Variants in RBPJ observed in about 807,000 individuals in gnomAD.
The protein encoded by RBPJ is recombination signal binding protein for immunoglobulin kappa J region.
Under a neutral mutation model 67.8 loss-of-function variants are expected in RBPJ, and 9 were observed. That is an observed-to-expected ratio of 0.13 (90% CI 0.08 to 0.23). The LOEUF is 0.23. Among genes scored for constraint, RBPJ ranks in the 10% least tolerant of loss-of-function variants. The probability of loss-of-function intolerance (pLI) is 1.00; values close to 1 mark genes in which losing one functional copy is unlikely to be tolerated. For missense variants in RBPJ, 305 were observed against 595.6 expected (o/e 0.51, Z 5.08); for synonymous variants, 198 against 203.3 (o/e 0.97, Z 0.22).
chr4:26,237,331 AT>A (rs578068593), intron 1 of RBPJ, among the ~76,000 whole-genome samples: 198 of 151,056 alleles, frequency 1.3e-3, no homozygotes, highest in African/African-American at 4.6e-3. Context: ...TGCAAAAAAA[AT>A]ATTAATAGAT....
At chr4:26,373,457 A>G (rs539115386) in intron 1 of RBPJ, among the ~76,000 whole-genome samples, 55 of 152,314 alleles carry the variant, frequency 3.6e-4, no homozygotes, top group Non-Finnish European at 6.2e-4. Context: ...TGAAAAGGAA[A>G]GATGCACTGC....
At chr4:26,234,379 G>A (rs987336147) in intron 1 of RBPJ, among the ~76,000 whole-genome samples, 9 of 152,156 alleles carry the variant, frequency 5.9e-5, no homozygotes, top group Admixed American at 3.3e-4. Flanking sequence ...AAATACACAC[G>A]CCTGACAATT....
chr4:26,363,871 C>T (rs1728335959), intron 1 of RBPJ, among the ~76,000 whole-genome samples: 1 of 152,114 alleles, frequency 6.6e-6, no homozygotes, highest in South Asian at 2.1e-4. Context: ...TTCTAGTCTT[C>T]GTAATACCTA....
chr4:26,158,501 C>T (rs1188050502), upstream of RBPJ, among the ~76,000 whole-genome samples: 1 of 152,196 alleles, frequency 6.6e-6, no homozygotes, highest in Non-Finnish European at 1.5e-5. Flanking sequence ...GCTTTACCCT[C>T]CAGATGAGGA....
At chr4:26,205,591 T>A (rs919477894) in intron 1 of RBPJ, among the ~76,000 whole-genome samples, 40 of 151,854 alleles carry the variant, frequency 2.6e-4, no homozygotes, top group East Asian at 5.8e-4. Flanking sequence ...CTAAAAAAAA[T>A]TTTTTTTGTT....
At chr4:26,107,988 C>G in the RBPJ span, among the ~76,000 whole-genome samples, 989 of 152,344 alleles carry the variant, frequency 6.5e-3, 18 homozygotes, top group East Asian at 0.045. Flanking sequence ...TCTTCCCCAA[C>G]AGCTAACCTC....
upstream of RBPJ, among the ~76,000 whole-genome samples, chr4:26,158,945 T>TTCTCTCTCTCTCTC (rs5856933): frequency 6.2e-3 from 853 of 136,810 alleles, 28 homozygotes; most frequent in East Asian, 0.013. Flanking sequence ...CTCTCTCTCT[T>TTCTCTCTCTCTCTC]TCTCTCTCTC....
chr4:26,136,856 C>G, the RBPJ span, among the ~76,000 whole-genome samples: 1 of 152,296 alleles, frequency 6.6e-6, no homozygotes, highest in Non-Finnish European at 1.5e-5. Context: ...TTGCCTGTCT[C>G]ATAGATGAGA....
intron 1 of RBPJ, among the ~76,000 whole-genome samples, chr4:26,220,205 C>A (rs534640651): frequency 6.6e-6 from 1 of 152,260 alleles, no homozygotes; most frequent in Admixed American, 6.5e-5. Context: ...AGTTAATATG[C>A]AGATGAGCTG....
intron 1 of RBPJ, among the ~76,000 whole-genome samples, chr4:26,379,141 G>C (rs1333902678): frequency 6.6e-6 from 1 of 152,130 alleles, no homozygotes; most frequent in Non-Finnish European, 1.5e-5. Context: ...CAGTTGCATG[G>C]CATGTCTTTG....
rs56961547 is a variant in RBPJ, at chr4:26,234,684, CTTAT to C, written c.-167+71093_-167+71096del. 3.7e-3 allele frequency among the ~76,000 whole-genome samples: 557 copies of C among 151,552 alleles called. 6 individuals carry two copies. The highest frequency in any genetic ancestry group is 0.031 in the Middle Eastern group (9 of 294). On this transcript the variant is annotated intron_variant, in intron 1 of 4. Coordinates refer to the RBPJ transcript ENST00000512351. Reference sequence around the variant, plus strand: ...TTTTGTTTTTCAACTATCTTATTTTCTTATTTATTTATTTATTTATTTATTTGAG... The same window carrying C: ...TTTTGTTTTTCAACTATCTTATTTTCTTATTTATTTATTTATTTATTTGAG...
At chr4:26,401,436 A>G (rs1194758785) in intron 2 of RBPJ, among the ~76,000 whole-genome samples, 2 of 152,244 alleles carry the variant, frequency 1.3e-5, no homozygotes, top group African/African-American at 2.4e-5. Context: ...CCTCAAGGTC[A>G]TTGGTTATGT....
chr4:26,290,169 T>G (rs908157806), intron 1 of RBPJ, among the ~76,000 whole-genome samples: 1 of 149,410 alleles, frequency 6.7e-6, no homozygotes, highest in Admixed American at 6.7e-5. Flanking sequence ...ACCTCCCATC[T>G]CTACATGTGA....
chr4:26,109,031 C>T, the RBPJ span, among the ~76,000 whole-genome samples: 2 of 151,842 alleles, frequency 1.3e-5, no homozygotes, highest in Admixed American at 6.6e-5. Flanking sequence ...CTCATTCTTA[C>T]TCTTCCTCAC....
chr4:26,120,692 T>C, the RBPJ span, among the ~76,000 whole-genome samples: 2 of 148,778 alleles, frequency 1.3e-5, no homozygotes, highest in Non-Finnish European at 3.0e-5. Context: ...ACCTAATAGG[T>C]TACTCAAGAC....
intron 3 of RBPJ, among the ~76,000 whole-genome samples, chr4:26,408,925 T>C (rs964741895): frequency 2.0e-5 from 3 of 152,268 alleles, no homozygotes; most frequent in Non-Finnish European, 4.4e-5. Flanking sequence ...AACTTAACTT[T>C]GCCTAGGACT....
chr4:26,276,571 T>C (rs1721094623), intron 1 of RBPJ, among the ~76,000 whole-genome samples: 1 of 152,236 alleles, frequency 6.6e-6, no homozygotes, highest in African/African-American at 2.4e-5. Flanking sequence ...GGCCTCAGGC[T>C]TGTTCTTCCA....
chr4:26,268,018 GA>G (rs1197100227), intron 1 of RBPJ, among the ~76,000 whole-genome samples: 21 of 151,948 alleles, frequency 1.4e-4, no homozygotes, highest in Non-Finnish European at 1.9e-4. Context: ...AAATAAAAAT[GA>G]TTTTTTTTAA....
At chr4:26,227,899 C>T (rs1719133793) in intron 1 of RBPJ, among the ~76,000 whole-genome samples, 2 of 152,236 alleles carry the variant, frequency 1.3e-5, no homozygotes, top group African/African-American at 4.8e-5. Flanking sequence ...TGCTCCTTAA[C>T]ATCCTTGGTT....
Sources: gnomAD v4.1 joint callset for allele counts (sites outside exome capture counted in the v4.1 genomes callset) on GRCh38, gnomAD v4.1.1 for gene constraint, MANE v1.5 for transcripts, NCBI Gene and HGNC (gene_info 2026-07-23, HGNC 2026-07-21) for gene names.